Variants in TENM2 observed in about 807,000 individuals in gnomAD.
TENM2 encodes the protein teneurin transmembrane protein 2.
Under a neutral mutation model 245.2 loss-of-function variants are expected in TENM2, and 52 were observed. The ratio of observed to expected loss-of-function variants is 0.21; its 90% CI spans 0.17 to 0.27. The LOEUF is 0.27. Ranked by LOEUF, TENM2 falls within the 10% of genes least tolerant of loss-of-function variation. TENM2 has a pLI of 1.00. For synonymous variants in TENM2, 1,363 were observed against 1,438.9 expected, an observed-to-expected ratio of 0.95 and a Z score of 1.19; for missense variants, 3,046 against 3,666.8, an observed-to-expected ratio of 0.83 and a Z score of 4.37.
At chr5:167,035,532 A>G in the TENM2 span, among the ~76,000 whole-genome samples, 3 of 152,208 alleles carry the variant, frequency 2.0e-5, no homozygotes. Context: ...TATTCTTGAT[A>G]GTATTTTCAC....
At chr5:168,198,984 C>T (rs1476486220) in exon 16 of TENM2, 1 of 1,614,012 alleles carries the variant, frequency 6.2e-7, no homozygotes, top group Non-Finnish European at 8.5e-7. Context: ...GTGATGAAGA[C>T]CGAGGAGAAC....
At chr5:167,259,479 A>G in the TENM2 span, among the ~76,000 whole-genome samples, 2 of 152,224 alleles carry the variant, frequency 1.3e-5, no homozygotes, top group Non-Finnish European at 2.9e-5. Flanking sequence ...CATGCCAGAT[A>G]TGGCTATAGG....
chr5:167,248,108 C>T, the TENM2 span, among the ~76,000 whole-genome samples: 1 of 152,110 alleles, frequency 6.6e-6, no homozygotes, highest in Non-Finnish European at 1.5e-5. Flanking sequence ...AATTTCACTT[C>T]AGAAATGTTG....
chr5:167,466,735 G>A (rs1474921576), intron 2 of TENM2, among the ~76,000 whole-genome samples: 3 of 151,966 alleles, frequency 2.0e-5, no homozygotes, highest in South Asian at 2.1e-4. Context: ...TGTTTTGTAG[G>A]AACATAAATT....
chr5:167,711,427 C>T (rs1699256836), intron 2 of TENM2, among the ~76,000 whole-genome samples: 1 of 152,202 alleles, frequency 6.6e-6, no homozygotes, highest in South Asian at 2.1e-4. Flanking sequence ...ACATCGCTAG[C>T]CCACTGGCCC....
intron 27 of TENM2, among the ~76,000 whole-genome samples, chr5:168,251,637 C>T (rs931767459): frequency 6.6e-6 from 1 of 152,194 alleles, no homozygotes; most frequent in Non-Finnish European, 1.5e-5. Flanking sequence ...CTAAATTAGT[C>T]TTAATTTGCC....
chr5:167,139,439 C>A, the TENM2 span, among the ~76,000 whole-genome samples: 13 of 152,254 alleles, frequency 8.5e-5, no homozygotes, highest in East Asian at 1.9e-3. Flanking sequence ...CACATAGATT[C>A]ATATTTTGGG....
At chr5:167,893,293 A>G (rs1264945079) in intron 3 of TENM2, among the ~76,000 whole-genome samples, 1 of 152,038 alleles carries the variant, frequency 6.6e-6, no homozygotes, top group Admixed American at 6.5e-5. Flanking sequence ...CCATGGTCTT[A>G]CTCCCTCCAA....
the TENM2 span, among the ~76,000 whole-genome samples, chr5:167,009,162 T>TG: frequency 0.52 from 78,919 of 151,994 alleles, 20,788 homozygotes; most frequent in Non-Finnish European, 0.56. Flanking sequence ...TTATGTGTCA[T>TG]ATCGTTTATA....
chr5:167,439,349 T>A (rs564593562), intron 2 of TENM2, among the ~76,000 whole-genome samples: 2 of 152,310 alleles, frequency 1.3e-5, no homozygotes, highest in African/African-American at 4.8e-5. Flanking sequence ...GATACATGAA[T>A]GGCGGGTTGC....
chr5:167,888,003 G>A (rs1001963288), intron 3 of TENM2, among the ~76,000 whole-genome samples: 1 of 152,086 alleles, frequency 6.6e-6, no homozygotes, highest in Middle Eastern at 3.4e-3. Flanking sequence ...TGTGTCTGTC[G>A]GTCTCTAACT....
intron 17 of TENM2, among the ~76,000 whole-genome samples, chr5:168,202,867 G>A (rs1264362725): frequency 6.6e-6 from 1 of 152,164 alleles, no homozygotes; most frequent in Non-Finnish European, 1.5e-5. Flanking sequence ...TATTTCTAGA[G>A]CAGCATTCCA....
chr5:167,027,789 CATA>C, the TENM2 span, among the ~76,000 whole-genome samples: 1 of 152,024 alleles, frequency 6.6e-6, no homozygotes, highest in Non-Finnish European at 1.5e-5. Context: ...TAAAATTTTA[CATA>C]AGTGGGCTGG....
At chr5:167,923,508 C>A (rs955175603) in intron 3 of TENM2, among the ~76,000 whole-genome samples, 2 of 152,120 alleles carry the variant, frequency 1.3e-5, no homozygotes, top group African/African-American at 4.8e-5. Context: ...ACCTCCGCCG[C>A]TGAGGTAGAA....
chr5:168,159,548 G>A (rs1353254321), intron 12 of TENM2, among the ~76,000 whole-genome samples: 1 of 152,200 alleles, frequency 6.6e-6, no homozygotes, highest in Non-Finnish European at 1.5e-5. Context: ...AGCTGGCTTT[G>A]CACTTTACAA....
the TENM2 span, among the ~76,000 whole-genome samples, chr5:167,034,253 A>G: frequency 6.6e-6 from 1 of 152,198 alleles, no homozygotes; most frequent in African/African-American, 2.4e-5. Flanking sequence ...AAACTAATTC[A>G]TTGTCCTGCA....
At chr5:167,177,774 A>T in the TENM2 span, among the ~76,000 whole-genome samples, 1 of 152,196 alleles carries the variant, frequency 6.6e-6, no homozygotes, top group African/African-American at 2.4e-5. Context: ...GTATTGTCAT[A>T]AGGCCCTATA....
intron 2 of TENM2, among the ~76,000 whole-genome samples, chr5:167,873,597 T>A (rs137932383): frequency 6.6e-6 from 1 of 152,210 alleles, no homozygotes; most frequent in African/African-American, 2.4e-5. Context: ...TTAAATTAGA[T>A]AATACATATA....
chr5:167,028,298 A>G, the TENM2 span, among the ~76,000 whole-genome samples: 1 of 152,138 alleles, frequency 6.6e-6, no homozygotes, highest in Non-Finnish European at 1.5e-5. Flanking sequence ...ATAAAAATGA[A>G]CATCCTTATT....
Sources: allele counts gnomAD v4.1 joint callset (sites outside exome capture counted in the v4.1 genomes callset), GRCh38; gene constraint gnomAD v4.1.1; transcripts MANE v1.5; gene names NCBI Gene and HGNC (gene_info 2026-07-23, HGNC 2026-07-21).